DDX18: variants seen among roughly 807,000 people sequenced by gnomAD.
DDX18 encodes ATP-dependent RNA helicase DDX18.
Under a neutral mutation model 73.5 loss-of-function variants are expected in DDX18, and 23 were observed. The observed-to-expected ratio is 0.31, with a 90% CI of 0.23 to 0.44. DDX18 has a LOEUF of 0.44. DDX18 is among the 20% of genes least tolerant of loss of function. The pLI, the probability that DDX18 is intolerant of heterozygous loss-of-function variation, is 1.00. For missense variants in DDX18, 753 were observed against 792.9 expected (o/e 0.95, Z 0.60); for synonymous variants, 268 against 282.7 (o/e 0.95, Z 0.52).
At chr2:117,815,139 C>A in intron 1 of DDX18, 1 of 436,422 alleles carries the variant, frequency 2.3e-6, no homozygotes, top group Admixed American at 4.0e-5. Flanking sequence ...TACGACTAAC[C>A]CTGCCTTTTG....
At chr2:117,819,624 C>A in intron 2 of DDX18, 25 bp from the exon 3 acceptor site, 1 of 1,530,902 alleles carries the variant, frequency 6.5e-7, no homozygotes, top group Admixed American at 2.3e-5. Context: ...AAAATTTTTT[C>A]GGATTTTGTC....
At chr2:117,821,062 G>A in intron 3 of DDX18, 99 bp from the exon 4 acceptor site, 1 of 1,193,410 alleles carries the variant, frequency 8.4e-7, no homozygotes, top group South Asian at 1.9e-5. Context: ...TTTTCTTACT[G>A]CGGGAAGCTT....
chr2:117,824,469 C>T, intron 7 of DDX18, 100 bp from the exon 8 acceptor site: 1 of 1,077,954 alleles, frequency 9.3e-7, no homozygotes, highest in Non-Finnish European at 1.2e-6. Flanking sequence ...AACATCATAT[C>T]TCCCATTTCT....
At chr2:117,824,841 A>T in intron 8 of DDX18, 99 bp from the exon 9 acceptor site, 1 of 1,482,156 alleles carries the variant, frequency 6.7e-7, no homozygotes, top group African/African-American at 1.4e-5. Flanking sequence ...GACAGTTTAC[A>T]CACTGTGTTT....
At chr2:117,826,635 T>A in intron 11 of DDX18, 1 of 480,898 alleles carries the variant, frequency 2.1e-6, no homozygotes, top group Non-Finnish European at 3.8e-6. Flanking sequence ...TCCTGTTCCC[T>A]CCAGCCCTCT....
At chr2:117,821,611 A>C in intron 4 of DDX18, 39 bp from the exon 5 acceptor site, 1 of 1,607,320 alleles carries the variant, frequency 6.2e-7, no homozygotes, top group Non-Finnish European at 8.5e-7. Flanking sequence ...GTAAATGAGT[A>C]GGCTAAATGT....
rs777547044 is a variant in DDX18 at position 117,821,150 on chromosome 2, C to G, written c.515-11C>G. 1 of 1,526,494 alleles carries G rather than the reference C, an allele frequency of 6.6e-7. No homozygotes were observed. Among genetic ancestry groups the G allele is most frequent in the Non-Finnish European group, 8.8e-7 (1 of 1,139,588 alleles). 94.6% of individuals were successfully genotyped at this position (1,526,494 alleles called of 1,614,324 possible). A position where few individuals can be genotyped will look rare whatever the true frequency, so the allele number is the denominator to read the frequency against. On this transcript the variant is annotated splice_polypyrimidine_tract_variant and intron_variant, in intron 3 of 13. Coordinates refer to ENST00000263239, the MANE Select transcript of DDX18 (RefSeq NM_006773.4). ...GATAAATTTGCTAATGATAAATTGT[C>G]TTCTGTTTAGGAGCTTTTGAGGATA...
chr2:117,814,911 T>C (rs756534584), intron 1 of DDX18, 49 bp downstream of exon 1: 104 of 1,603,232 alleles, frequency 6.5e-5, no homozygotes, highest in Non-Finnish European at 8.5e-5. Context: ...GCGCGAGCCC[T>C]GGCGCGTTCG....
rs1679852301 is a variant in DDX18 at position 117,821,910 on chromosome 2, C to A, written c.800C>A (p.Thr267Asn). 1.2e-6 allele frequency: 2 copies of A among 1,613,898 alleles called. No individual in the cohort carries two copies. The highest frequency in any genetic ancestry group is 1.7e-6 in the Non-Finnish European group (2 of 1,179,962). Residue 267 changes from threonine to asparagine, a missense_variant, in exon 6 of 14, where the codon ACC becomes AAC. Around this residue, in one of 3 missense-constraint regions of DDX18, gnomAD observed 345 missense variants for 352.0 expected, o/e 0.98. Transcript: ENST00000263239. The part of the protein sequence containing the change: ...LSPTRELAMQ[T>N]FGVLKELMTH... The stretch of plus-strand genomic sequence containing the variant: ...CCTACTAGAGAACTAGCCATGCAAA[C>A]CTTTGGTGTTCTTAAGGAGCTGATG...
intron 13 of DDX18, 65 bp from the exon 14 acceptor site, chr2:117,830,517 C>T: frequency 6.4e-7 from 1 of 1,553,174 alleles, no homozygotes; most frequent in African/African-American, 1.4e-5. Context: ...GTTTTTTTCT[C>T]TGTGTAGATG....
In DDX18 at chr2:117,821,281, C is replaced by T. The variant is rs745703427; in HGVS notation, c.635C>T (p.Pro212Leu). 6.2e-7 allele frequency: 1 copy of T among 1,603,962 alleles called. No individual in the cohort carries two copies. The highest frequency in any genetic ancestry group is 8.5e-7 in the Non-Finnish European group (1 of 1,177,108). Residue 212 changes from proline (P) to leucine (L), a missense_variant, in exon 4 of 14, where the codon CCA (proline) becomes CTA (leucine). Around this residue, in one of 3 missense-constraint regions of DDX18, gnomAD observed 345 missense variants for 352.0 expected, o/e 0.98. Coordinates refer to ENST00000263239, the MANE Select transcript of DDX18 (RefSeq NM_006773.4). ...GAAATTCAGCATAAAAGTATCAGAC[C>T]ACTTCTGGAAGGCAGGTATGATTAA... ...MTEIQHKSIR[P>L]LLEGRDLLAA...
At chr2:117,826,247 A>C in intron 10 of DDX18, 22 bp from the exon 11 acceptor site, 9 of 1,606,486 alleles carry the variant, frequency 5.6e-6, no homozygotes, top group Non-Finnish European at 7.7e-6. Flanking sequence ...GCGTTAACTC[A>C]GATTTTCTTT....
Position 117,830,697 on chromosome 2 carries a change from A to G in DDX18, c.1986A>G (p.Ser662=). The change falls in exon 14 of 14, where the codon TCA becomes TCG. Residue 662 remains serine (S), a synonymous_variant. Transcript: ENST00000263239. The part of the protein sequence containing the change: ...SKIFKHISKK[S]SDSRQFSH ...TCTTTAAACACATTAGCAAGAAATCATCTGACAGCAGGCAGTTCTCTCACT... is the reference window on the plus strand; with the variant it reads ...TCTTTAAACACATTAGCAAGAAATCGTCTGACAGCAGGCAGTTCTCTCACT... 1 of 1,613,696 alleles carries G rather than the reference A, an allele frequency of 6.2e-7. No individual in the cohort carries two copies. The highest frequency in any genetic ancestry group is 2.2e-5 in the East Asian group (1 of 44,840).
In DDX18 at chr2:117,831,930, A is replaced by C. The variant is rs1393640288; in HGVS notation, c.*1206A>C. On this transcript the variant is annotated 3_prime_UTR_variant, in exon 14 of 14. Transcript: ENST00000263239. ...TTGTGCCAGTTAATCATAGGATCCC[A>C]TTAAATAAGTGTGCTAACATCGAAT... 6.6e-6 allele frequency: 1 copy of C among 152,230 alleles called. No individual in the cohort carries two copies. The highest frequency in any genetic ancestry group is 1.5e-5 in the Non-Finnish European group (1 of 68,050). 9.4% of individuals were successfully genotyped at this position (152,230 alleles called of 1,614,324 possible).
At chr2:117,826,487 C>T in intron 11 of DDX18, 105 bp downstream of exon 11, 1 of 1,039,248 alleles carries the variant, frequency 9.6e-7, no homozygotes, top group Non-Finnish European at 1.4e-6. Context: ...AGTGCTGTTA[C>T]AACCATTCTT....
At chr2:117,826,226 T>G (rs759380508) in intron 10 of DDX18, 43 bp from the exon 11 acceptor site, 1 of 1,562,542 alleles carries the variant, frequency 6.4e-7, no homozygotes, top group African/African-American at 1.4e-5. Flanking sequence ...TGGGCTCATG[T>G]GGAAGTCACT....
intron 11 of DDX18, 75 bp downstream of exon 11, chr2:117,826,457 G>C: frequency 7.3e-7 from 1 of 1,361,028 alleles, no homozygotes; most frequent in Admixed American, 1.9e-5. Flanking sequence ...ACATGTGTCA[G>C]AGGAGTCTCG....
At position 117,822,221 on chromosome 2, in the gene DDX18, G is replaced by A. The variant is rs1679857373; in HGVS notation, c.1026G>A (p.Gly342=). The A allele has an allele frequency of 6.2e-7, 1 of 1,613,684 alleles. No individual in the cohort carries two copies. Among genetic ancestry groups the A allele is most frequent in the South Asian group, 1.1e-5 (1 of 91,058 alleles). The change falls in exon 7 of 14, where the codon GGG becomes GGA. Residue 342 remains glycine (G), a synonymous_variant. Transcript: ENST00000263239. ...IDEADRILDV[G]FEEELKQIIK... is the part of the protein sequence containing the mutation. ...AAGCTGATCGTATCTTGGATGTGGG[G>A]TTTGAAGAGGAATTAAAGCAAATTA... is the stretch of plus-strand genomic sequence containing the variant.
chr2:117,819,640 A>G lies in DDX18; in HGVS notation c.371-9A>G. On this transcript the variant is annotated splice_polypyrimidine_tract_variant and intron_variant, in intron 2 of 13. Transcript: ENST00000263239. ...AAATTTTTTCGGATTTTGTCTTTTA[A>G]AACCAAAGATACGAAAAAAGCAAAA... is the stretch of plus-strand genomic sequence containing the variant. 1 of 1,568,804 alleles carries G rather than the reference A, an allele frequency of 6.4e-7. No individual in the cohort carries two copies. The highest frequency in any genetic ancestry group is 8.6e-7 in the Non-Finnish European group (1 of 1,164,102).
Sources: allele counts gnomAD v4.1 joint callset, GRCh38; gene constraint gnomAD v4.1.1; regional missense constraint gnomAD v4.1.1; transcripts MANE v1.5; gene names NCBI Gene and HGNC (gene_info 2026-07-23, HGNC 2026-07-21).